Variants in FAM227B observed in about 807,000 individuals in gnomAD.
The protein encoded by FAM227B is family with sequence similarity 227 member B.
In FAM227B, 88 loss-of-function variants were observed where a neutral mutation model predicts 73.8. The ratio of observed to expected loss-of-function variants is 1.19; its 90% CI spans 1.00 to 1.42. The LOEUF (loss-of-function observed/expected upper bound fraction) is 1.42, where lower values mean the gene tolerates loss of function less well. Among genes scored for constraint, FAM227B ranks in the 40% most tolerant of loss-of-function variants. The probability of loss-of-function intolerance (pLI) is 0.00; values close to 1 mark genes in which losing one functional copy is unlikely to be tolerated. For missense variants in FAM227B, 632 were observed against 590.9 expected (o/e 1.07, Z -0.72); for synonymous variants, 210 against 190.5 (o/e 1.10, Z -0.84).
chr15:49,462,046 C>A (rs1471230175), intron 11 of FAM227B, among the ~76,000 whole-genome samples: 1 of 151,816 alleles, frequency 6.6e-6, no homozygotes, highest in African/African-American at 2.4e-5. Context: ...TTGAACCTGG[C>A]AGGTGGCGGT....
At chr15:49,507,245 A>AT in intron 11 of FAM227B, among the ~76,000 whole-genome samples, 1 of 152,138 alleles carries the variant, frequency 6.6e-6, no homozygotes, top group Non-Finnish European at 1.5e-5. Flanking sequence ...GATGCTCTAA[A>AT]TTCAAAATTC....
intron 11 of FAM227B, among the ~76,000 whole-genome samples, chr15:49,398,169 G>GA (rs2047844701): frequency 6.6e-6 from 1 of 151,654 alleles, no homozygotes; most frequent in Admixed American, 6.6e-5. Context: ...CAAGCCAATG[G>GA]AAAACAAAAA....
intron 9 of FAM227B, among the ~76,000 whole-genome samples, chr15:49,554,795 T>C (rs1168490515): frequency 1.3e-5 from 2 of 152,222 alleles, no homozygotes; most frequent in Admixed American, 1.3e-4. Context: ...AAGGTGTTTT[T>C]TTCTGTGTAG....
chr15:49,360,185 CA>C (rs2043956812), intron 13 of FAM227B, among the ~76,000 whole-genome samples: 1 of 149,202 alleles, frequency 6.7e-6, no homozygotes, highest in African/African-American at 2.5e-5. Flanking sequence ...CACATGTATA[CA>C]TATGTAACTA....
At chr15:49,514,984 G>T (rs1278828684) in intron 10 of FAM227B, among the ~76,000 whole-genome samples, 2 of 152,072 alleles carry the variant, frequency 1.3e-5, no homozygotes, top group African/African-American at 4.8e-5. Context: ...ATAGCCACGA[G>T]CTCCAGGACA....
chr15:49,591,394 C>CTCCT (rs1169668384), intron 3 of FAM227B, among the ~76,000 whole-genome samples: 1 of 118,320 alleles, frequency 8.5e-6, no homozygotes, highest in Non-Finnish European at 1.8e-5. Flanking sequence ...CCCTCCCTCC[C>CTCCT]TCCTTCCTTC....
At chr15:49,427,264 T>C (rs1236137401) in intron 11 of FAM227B, among the ~76,000 whole-genome samples, 1 of 152,050 alleles carries the variant, frequency 6.6e-6, no homozygotes, top group Non-Finnish European at 1.5e-5. Flanking sequence ...CTTGAAATTA[T>C]GACATTTGAA....
chr15:49,390,413 A>G (rs1316283652), intron 11 of FAM227B, among the ~76,000 whole-genome samples: 1 of 145,616 alleles, frequency 6.9e-6, no homozygotes, highest in East Asian at 2.1e-4. Flanking sequence ...GATCCACAAG[A>G]AAAAAATACT....
At chr15:49,519,237 T>A (rs2059607220) in intron 10 of FAM227B, among the ~76,000 whole-genome samples, 1 of 152,150 alleles carries the variant, frequency 6.6e-6, no homozygotes, top group African/African-American at 2.4e-5. Context: ...TTGGCTGCTT[T>A]CATGGGTTGG....
intron 13 of FAM227B, among the ~76,000 whole-genome samples, chr15:49,345,024 G>C (rs2041263721): frequency 6.6e-6 from 1 of 152,140 alleles, no homozygotes; most frequent in Non-Finnish European, 1.5e-5. Flanking sequence ...GCTATTACCT[G>C]CTACTATTTA....
Position 49,433,371 on chromosome 15 carries a change from C to G in FAM227B, c.1013-61972G>C, listed in dbSNP as rs78224501. ...AATCTTCCAGTGGTAGAAGCAGCAGCACTTAGCCCAGTGTAAGAGGTGAAA... is the reference window on the plus strand; with the variant it reads ...AATCTTCCAGTGGTAGAAGCAGCAGGACTTAGCCCAGTGTAAGAGGTGAAA... On this transcript the variant is annotated intron_variant, in intron 11 of 15. Transcript: ENST00000299338. Among the ~76,000 whole-genome samples, 845 of 151,524 alleles carry G rather than the reference C, an allele frequency of 5.6e-3. 6 individuals carry two copies. Among genetic ancestry groups the G allele is most frequent in the African/African-American group, 0.019 (805 of 41,382 alleles).
At chr15:49,379,116 G>GAACC (rs2046358043) in intron 11 of FAM227B, among the ~76,000 whole-genome samples, 2 of 152,050 alleles carry the variant, frequency 1.3e-5, no homozygotes, top group African/African-American at 2.4e-5. Context: ...TGCATATGTT[G>GAACC]AACCATCCCT....
At chr15:49,413,944 T>G (rs1016819228) in intron 11 of FAM227B, among the ~76,000 whole-genome samples, 3 of 151,832 alleles carry the variant, frequency 2.0e-5, no homozygotes, top group African/African-American at 7.3e-5. Flanking sequence ...CATTTTGTAA[T>G]GAGATTTGAA....
intron 9 of FAM227B, among the ~76,000 whole-genome samples, chr15:49,550,266 T>A (rs1299971762): frequency 1.6e-5 from 2 of 123,510 alleles, no homozygotes; most frequent in Admixed American, 8.0e-5. Context: ...GGCTCCTCAC[T>A]TCCCAGTAGG....
chr15:49,457,864 C>T (rs1051863149), intron 11 of FAM227B, among the ~76,000 whole-genome samples: 23 of 151,078 alleles, frequency 1.5e-4, no homozygotes, highest in African/African-American at 5.3e-4. Flanking sequence ...ATATAAAAAA[C>T]AATTAAATGA....
intron 10 of FAM227B, among the ~76,000 whole-genome samples, chr15:49,509,805 A>C (rs921169356): frequency 2.0e-5 from 3 of 152,136 alleles, no homozygotes; most frequent in African/African-American, 7.2e-5. Context: ...GGAAATTGTT[A>C]TCCTACAGGA....
chr15:49,462,349 T>G (rs2053878521), intron 11 of FAM227B, among the ~76,000 whole-genome samples: 1 of 152,158 alleles, frequency 6.6e-6, no homozygotes, highest in Non-Finnish European at 1.5e-5. Context: ...CTAACATATA[T>G]TTACTAAATT....
At chr15:49,504,235 T>G (rs1015356383) in intron 11 of FAM227B, among the ~76,000 whole-genome samples, 1 of 134,878 alleles carries the variant, frequency 7.4e-6, no homozygotes, top group East Asian at 2.2e-4. Context: ...ATGAGAACAC[T>G]TGGACACAGG....
chr15:49,607,698 C>T (rs774497299), intron 3 of FAM227B, among the ~76,000 whole-genome samples: 3 of 152,100 alleles, frequency 2.0e-5, no homozygotes, highest in African/African-American at 4.8e-5. Flanking sequence ...GCTGATGAGA[C>T]TCTGTCTTCT....
Sources: gnomAD v4.1 joint callset for allele counts (sites outside exome capture counted in the v4.1 genomes callset) on GRCh38, gnomAD v4.1.1 for gene constraint, MANE v1.5 for transcripts, NCBI Gene and HGNC (gene_info 2026-07-23, HGNC 2026-07-21) for gene names.